IL1RAPL1: variants seen among roughly 807,000 people sequenced by gnomAD.
The protein encoded by IL1RAPL1 is interleukin 1 receptor accessory protein like 1.
In IL1RAPL1, 3 loss-of-function variants were observed where a neutral mutation model predicts 48.4. That is an observed-to-expected ratio of 0.06 (90% CI 0.03 to 0.16). The LOEUF is 0.16. Ranked by LOEUF, IL1RAPL1 falls within the 10% of genes least tolerant of loss-of-function variation. IL1RAPL1 has a pLI of 1.00. For missense variants in IL1RAPL1, 349 were observed against 530.6 expected (o/e 0.66, Z 3.36); for synonymous variants, 185 against 187.7 (o/e 0.99, Z 0.12).
At chrX:28,894,706 C>T (rs1337012101) in intron 2 of IL1RAPL1, among the ~76,000 whole-genome samples, 1 of 110,893 alleles carries the variant, frequency 9.0e-6, no homozygotes, top group African/African-American at 3.3e-5. Context: ...GCAGCCGCTG[C>T]ACGCAGACAT....
intron 3 of IL1RAPL1, among the ~76,000 whole-genome samples, chrX:29,372,857 G>A (rs182956621): frequency 1.0e-5 from 1 of 99,330 alleles, no homozygotes; most frequent in African/African-American, 3.8e-5. Flanking sequence ...GTCAGGTAGT[G>A]TGATGACTCT....
chrX:29,321,500 T>C (rs937071946), intron 3 of IL1RAPL1, among the ~76,000 whole-genome samples: 2 of 112,318 alleles, frequency 1.8e-5, no homozygotes, highest in Non-Finnish European at 3.8e-5. Flanking sequence ...CAGGAGGAGC[T>C]GTTATTCATT....
intron 2 of IL1RAPL1, among the ~76,000 whole-genome samples, chrX:29,032,747 A>G (rs1464171867): frequency 3.7e-5 from 4 of 108,661 alleles, no homozygotes; most frequent in Non-Finnish European, 7.7e-5. Context: ...GGGCATGCAC[A>G]CACACACACA....
At chrX:29,336,651 CTGTA>C (rs1469155424) in intron 3 of IL1RAPL1, among the ~76,000 whole-genome samples, 1 of 110,599 alleles carries the variant, frequency 9.0e-6, no homozygotes, top group Non-Finnish European at 1.9e-5. Flanking sequence ...CCAGGGAAAA[CTGTA>C]TTTCTGTGCT....
At chrX:29,025,344 A>G (rs1301316441) in intron 2 of IL1RAPL1, among the ~76,000 whole-genome samples, 3 of 111,401 alleles carry the variant, frequency 2.7e-5, no homozygotes, top group African/African-American at 9.8e-5. Flanking sequence ...AATAGCCTTG[A>G]TTATGTTTTA....
At chrX:29,892,356 T>A (rs1932289013) in intron 6 of IL1RAPL1, among the ~76,000 whole-genome samples, 1 of 112,172 alleles carries the variant, frequency 8.9e-6, no homozygotes, top group South Asian at 3.7e-4. Context: ...ATGGATTTAA[T>A]CTCTGAAAAT....
intron 5 of IL1RAPL1, among the ~76,000 whole-genome samples, chrX:29,422,477 T>A (rs928233471): frequency 9.0e-6 from 1 of 111,601 alleles, no homozygotes; most frequent in African/African-American, 3.3e-5. Flanking sequence ...TCTAATACAG[T>A]AAAGTGTTTA....
chrX:29,392,302 A>T (rs1374213175), intron 3 of IL1RAPL1, among the ~76,000 whole-genome samples: 1 of 111,789 alleles, frequency 8.9e-6, no homozygotes, highest in Non-Finnish European at 1.9e-5. Flanking sequence ...TACCCCATTT[A>T]CCCCATTCCA....
intron 1 of IL1RAPL1, among the ~76,000 whole-genome samples, chrX:28,726,040 C>G (rs1285068228): frequency 8.9e-6 from 1 of 112,033 alleles, no homozygotes; most frequent in Non-Finnish European, 1.9e-5. Flanking sequence ...AATGCTACAG[C>G]TATCACAGTG....
chrX:29,380,146 C>T (rs1933677335), intron 3 of IL1RAPL1, among the ~76,000 whole-genome samples: 2 of 104,226 alleles, frequency 1.9e-5, no homozygotes, highest in African/African-American at 3.6e-5. Flanking sequence ...TACTGAAGAT[C>T]GGAACATTTC....
At chrX:28,850,610 C>T (rs1006039428) in intron 2 of IL1RAPL1, among the ~76,000 whole-genome samples, 1 of 111,076 alleles carries the variant, frequency 9.0e-6, no homozygotes, top group Non-Finnish European at 1.9e-5. Context: ...CTCTGGCTTC[C>T]TCCTGTTTTC....
At chrX:29,898,145 C>T (rs1213248975) in intron 6 of IL1RAPL1, among the ~76,000 whole-genome samples, 3 of 112,003 alleles carry the variant, frequency 2.7e-5, no homozygotes, top group Non-Finnish European at 3.8e-5. Flanking sequence ...GGAAGCATAT[C>T]GTTTGACTAA....
At chrX:29,861,766 C>G (rs1306133658) in intron 6 of IL1RAPL1, among the ~76,000 whole-genome samples, 1 of 110,862 alleles carries the variant, frequency 9.0e-6, no homozygotes, top group African/African-American at 3.3e-5. Context: ...TACCCAAACC[C>G]TAAATTTAAA....
At chrX:29,808,048 T>C (rs1443236235) in intron 6 of IL1RAPL1, among the ~76,000 whole-genome samples, 1 of 111,804 alleles carries the variant, frequency 8.9e-6, no homozygotes, top group East Asian at 2.8e-4. Context: ...TGCAGGACAG[T>C]TTGGTAATAG....
At chrX:28,651,885 C>T (rs1934687465) in intron 1 of IL1RAPL1, among the ~76,000 whole-genome samples, 6 of 111,485 alleles carry the variant, frequency 5.4e-5, no homozygotes, top group Admixed American at 2.9e-4. Flanking sequence ...TCTAATCTCT[C>T]CTACTCCTTC....
chrX:29,190,518 G>A (rs1930332256), intron 2 of IL1RAPL1, among the ~76,000 whole-genome samples: 1 of 112,004 alleles, frequency 8.9e-6, no homozygotes, highest in African/African-American at 3.2e-5. Context: ...AAAGCACTTA[G>A]CACAGTTGAT....
chrX:28,886,060 T>C (rs1428376816), intron 2 of IL1RAPL1, among the ~76,000 whole-genome samples: 1 of 110,820 alleles, frequency 9.0e-6, no homozygotes, highest in Non-Finnish European at 1.9e-5. Context: ...AGATTTTTTG[T>C]TTCTAGCCTA....
rs747034802 is a variant in IL1RAPL1, at chrX:28,650,370, G to A, written c.-25+62323G>A. Reference sequence around the variant, plus strand: ...CGGGAGGCAAGGAGGAACAAGTCACGTTTTACATGGATGACAGCAGGCAAA... The same window carrying A: ...CGGGAGGCAAGGAGGAACAAGTCACATTTTACATGGATGACAGCAGGCAAA... On this transcript the variant is annotated intron_variant, in intron 1 of 10. Coordinates refer to ENST00000378993, the MANE Select transcript of IL1RAPL1 (RefSeq NM_014271.4). Among the ~76,000 whole-genome samples the A allele has an allele frequency of 1.2e-4, 13 of 111,400 alleles. No homozygotes were observed. In the South Asian group the frequency reaches 1.5e-3, roughly 13 times the overall value.
intron 5 of IL1RAPL1, among the ~76,000 whole-genome samples, chrX:29,507,816 A>G (rs979368738): frequency 1.8e-5 from 2 of 111,494 alleles, no homozygotes; most frequent in Non-Finnish European, 3.8e-5. Flanking sequence ...CTATTCCAGT[A>G]TTGATAATAC....
Sources: allele counts gnomAD v4.1 joint callset (sites outside exome capture counted in the v4.1 genomes callset), GRCh38; gene constraint gnomAD v4.1.1; transcripts MANE v1.5; gene names NCBI Gene and HGNC (gene_info 2026-07-23, HGNC 2026-07-21).